IGLON5: variants seen among roughly 807,000 people sequenced by gnomAD.
The protein encoded by IGLON5 is IgLON family member 5, also known as Ig-like domain-containing protein ENSP00000270642.
In IGLON5, 16 loss-of-function variants were observed where a neutral mutation model predicts 38.2. The ratio of observed to expected loss-of-function variants is 0.42; its 90% confidence interval spans 0.28 to 0.64. The LOEUF is 0.64. Ranked by LOEUF, IGLON5 falls within the 30% of genes least tolerant of loss-of-function variation. IGLON5 has a pLI of 0.23. For missense variants in IGLON5, 366 were observed against 483.4 expected (o/e 0.76, Z 2.28); for synonymous variants, 207 against 216.4 (o/e 0.96, Z 0.38).
intron 1 of IGLON5, among the ~76,000 whole-genome samples, chr19:51,319,377 C>A (rs1985000947): frequency 6.6e-6 from 1 of 151,708 alleles, no homozygotes; most frequent in Non-Finnish European, 1.5e-5. Context: ...ACCTGATTCT[C>A]GGCCCAGCGT....
At chr19:51,323,590 C>T (rs1985132703) in intron 2 of IGLON5, 72 bp from the exon 3 acceptor site, 2 of 1,347,576 alleles carry the variant, frequency 1.5e-6, no homozygotes, top group Non-Finnish European at 2.0e-6. Context: ...CCTTCTCCCA[C>T]CCACCCCCTC....
At position 51,327,265 on chromosome 19, in the gene IGLON5, A is replaced by C; in HGVS notation, c.767+65A>C. On this transcript the variant is annotated intron_variant, in intron 6 of 7. Coordinates refer to ENST00000270642, the MANE Select transcript of IGLON5 (RefSeq NM_001101372.3). The surrounding 1 kb of genome is among the most constrained non-coding windows in gnomAD (Gnocchi z 7.1). Reference sequence around the variant, plus strand: ...GAGGTCTTTAGTCCCTTCGATTGTGAGGCAGGGGGACGGAGCGGGGCGGGG... The same window carrying C: ...GAGGTCTTTAGTCCCTTCGATTGTGCGGCAGGGGGACGGAGCGGGGCGGGG... 1 of 1,551,938 alleles carries C rather than the reference A, an allele frequency of 6.4e-7. No homozygotes were observed. The highest frequency in any genetic ancestry group is 8.7e-7 in the Non-Finnish European group (1 of 1,146,006).
intron 1 of IGLON5, among the ~76,000 whole-genome samples, chr19:51,313,648 T>TTTCTTTCTTTCTTTCC (rs1984832164): frequency 7.6e-5 from 1 of 13,192 alleles, no homozygotes; most frequent in Admixed American, 7.6e-4. Flanking sequence ...TCTCTCTCTT[T>TTTCTTTCTTTCTTTCC]TTCTTTCTTT....
Position 51,327,052 on chromosome 19 carries a change from G to C in IGLON5, c.647-28G>C. On this transcript the variant is annotated intron_variant, in intron 5 of 7. Transcript: ENST00000270642. The surrounding 1 kb of genome is among the most constrained non-coding windows in gnomAD (Gnocchi z 7.1). ...CCCCTTCGTCCCCACGCGGCTAGGA[G>C]AATTCGCTGACCCTTGCCCCTCGCC... 1 of 1,602,860 alleles carries C rather than the reference G, an allele frequency of 6.2e-7. No individual in the cohort carries two copies. Among genetic ancestry groups the C allele is most frequent in the Non-Finnish European group, 8.5e-7 (1 of 1,174,472 alleles).
chr19:51,322,434 A>G (rs1405031722), intron 2 of IGLON5, among the ~76,000 whole-genome samples: 1 of 147,628 alleles, frequency 6.8e-6, no homozygotes, highest in Non-Finnish European at 1.5e-5. Flanking sequence ...ATCCAGAGAG[A>G]AGGGGACAGA....
At chr19:51,319,308 T>C (rs958241961) in intron 1 of IGLON5, among the ~76,000 whole-genome samples, 11 of 149,082 alleles carry the variant, frequency 7.4e-5, no homozygotes, top group South Asian at 2.1e-4. Flanking sequence ...TGTGTGCGTG[T>C]GTGTGTGTGT....
In IGLON5 at chr19:51,330,420, TTGG is replaced by T. The variant is rs1320963924; in HGVS notation, c.*1667_*1669del. ...ATGAAGGGCAAAGGGTAGCAGTCAA[TTGG>T]TGGTGCCTCTCCAGCATCATTCCTA... On this transcript the variant is annotated 3_prime_UTR_variant, in exon 8 of 8. Transcript: ENST00000270642. 1 of 152,184 alleles carries T rather than the reference TTGG, an allele frequency of 6.6e-6. No homozygotes were observed. Among genetic ancestry groups the T allele is most frequent in the Non-Finnish European group, 1.5e-5 (1 of 68,032 alleles). The allele number at this position is 152,184 out of a possible 1,614,324, so 9.4% of individuals were successfully genotyped here.
intron 2 of IGLON5, 30 bp downstream of exon 2, chr19:51,322,172 T>G: frequency 2.6e-6 from 4 of 1,556,156 alleles, no homozygotes; most frequent in Non-Finnish European, 3.5e-6. Flanking sequence ...GGGACTCAGA[T>G]CTCATGGAGC....
intron 1 of IGLON5, among the ~76,000 whole-genome samples, 200 bp downstream of exon 1, chr19:51,312,126 C>T (rs1045228679): frequency 1.3e-5 from 2 of 151,888 alleles, no homozygotes; most frequent in African/African-American, 2.4e-5. Flanking sequence ...GTCCGCGCCC[C>T]GGGGCAGGGG....
Position 51,325,330 on chromosome 19 carries a change from CT to C in IGLON5, c.392-15del, listed in dbSNP as rs1171669058. Reference sequence around the variant, plus strand: ...ATTCCTGGGCATCCATATTCAGCCTCTGCCGCTGCCCGCAGTCCCTGCCCGC... The same window carrying C: ...ATTCCTGGGCATCCATATTCAGCCTCGCCGCTGCCCGCAGTCCCTGCCCGC... On this transcript the variant is annotated splice_polypyrimidine_tract_variant and intron_variant, in intron 3 of 7. Coordinates refer to ENST00000270642, the MANE Select transcript of IGLON5 (RefSeq NM_001101372.3). The surrounding 1 kb of genome is among the most constrained non-coding windows in gnomAD (Gnocchi z 5.5). 1 of 1,611,804 alleles carries C rather than the reference CT, an allele frequency of 6.2e-7. No homozygotes were observed. The highest frequency in any genetic ancestry group is 8.5e-7 in the Non-Finnish European group (1 of 1,179,024).
rs1985189870 is a variant in IGLON5, at chr19:51,325,397, G to A, written c.443G>A (p.Gly148Asp). 2 of 1,613,850 alleles carry A rather than the reference G, an allele frequency of 1.2e-6. No homozygotes were observed. Among genetic ancestry groups the A allele is most frequent in the African/African-American group, 1.3e-5 (1 of 75,008 alleles). The change falls in exon 4 of 8, where the codon GGC becomes GAC. Residue 148 changes from glycine to aspartate, a missense_variant. Gly to Asp is a moderately conservative substitution (Grantham distance 94). Coordinates refer to ENST00000270642, the MANE Select transcript of IGLON5 (RefSeq NM_001101372.3). The surrounding 1 kb of genome is among the most constrained non-coding windows in gnomAD (Gnocchi z 5.5). ...ISSPVTVNEG[G>D]NVNLLCLAVG... ...TCGCCTGTGACGGTGAATGAGGGGG[G>A]CAATGTGAACCTGCTTTGCCTGGCC...
chr19:51,314,858 C>T lies in IGLON5; in HGVS notation c.79+2932C>T, dbSNP rs553375725. On this transcript the variant is annotated intron_variant, in intron 1 of 7. Coordinates refer to ENST00000270642, the MANE Select transcript of IGLON5 (RefSeq NM_001101372.3). ...TGTGCTCCTGCCCTGCCACCACTCT[C>T]ACAACCACTGTCTTGAGAGAACCGG... 3.3e-5 allele frequency among the ~76,000 whole-genome samples: 5 copies of T among 152,362 alleles called. No individual in the cohort carries two copies. The East Asian group carries it at 9.6e-4, about 29-fold the overall frequency.
chr19:51,325,610 T>A lies in IGLON5; in HGVS notation c.511+145T>A. On this transcript the variant is annotated intron_variant, in intron 4 of 7. Transcript: ENST00000270642. The surrounding 1 kb of genome is among the most constrained non-coding windows in gnomAD (Gnocchi z 5.5). ...TCCCACTCTGCTTCCAGTTATTTCA[T>A]CCACAGACCACAAACCCCAGACCTA... 2 of 934,188 alleles carry A rather than the reference T, an allele frequency of 2.1e-6. No individual in the cohort carries two copies. Among genetic ancestry groups the A allele is most frequent in the Non-Finnish European group, 3.1e-6 (2 of 643,856 alleles). 57.9% of individuals were successfully genotyped at this position (934,188 alleles called of 1,614,324 possible). A position where few individuals can be genotyped will look rare whatever the true frequency, so the allele number is the denominator to read the frequency against.
chr19:51,313,538 T>C (rs981484130), intron 1 of IGLON5, among the ~76,000 whole-genome samples: 1 of 152,222 alleles, frequency 6.6e-6, no homozygotes, highest in African/African-American at 2.4e-5. Context: ...CCTTCTCTCA[T>C]TCATTTCCTT....
At position 51,322,361 on chromosome 19, in the gene IGLON5, CAGAGAGAGGGACAGAGACCCAGAG is replaced by C. The variant is rs1428110891; in HGVS notation, c.158+247_158+270del. ...TGGAGAGAGGGGGCAGAGACACACACAGAGAGAGGGACAGAGACCCAGAGAGAGAGAGGGACAGAGACCCAGAGA... is the reference window on the plus strand; with the variant it reads ...TGGAGAGAGGGGGCAGAGACACACACAGAGAGAGGGACAGAGACCCAGAGA... On this transcript the variant is annotated intron_variant, in intron 2 of 7. Coordinates refer to ENST00000270642, the MANE Select transcript of IGLON5 (RefSeq NM_001101372.3). Among the ~76,000 whole-genome samples the C allele has an allele frequency of 7.9e-5, 12 of 151,100 alleles. 1 individual carries two copies. In the South Asian group the frequency reaches 1.3e-3, roughly 16 times the overall value.
At chr19:51,313,872 C>T (rs1984845050) in intron 1 of IGLON5, among the ~76,000 whole-genome samples, 1 of 151,808 alleles carries the variant, frequency 6.6e-6, no homozygotes, top group African/African-American at 2.4e-5. Flanking sequence ...CAGATGCACG[C>T]CACCACACCT....
At chr19:51,313,099 C>T (rs1479689947) in intron 1 of IGLON5, among the ~76,000 whole-genome samples, 1 of 152,222 alleles carries the variant, frequency 6.6e-6, no homozygotes, top group African/African-American at 2.4e-5. Flanking sequence ...AACCCCGTCA[C>T]AGCGTCCCAC....
intron 1 of IGLON5, among the ~76,000 whole-genome samples, chr19:51,317,161 G>A (rs994527185): frequency 2.6e-5 from 4 of 152,182 alleles, no homozygotes; most frequent in African/African-American, 9.6e-5. Context: ...TTCATTCCCA[G>A]GTTTATCAAA....
At chr19:51,313,683 CTT>C (rs1984837560) in intron 1 of IGLON5, among the ~76,000 whole-genome samples, 1 of 63,776 alleles carries the variant, frequency 1.6e-5, no homozygotes, top group African/African-American at 8.2e-5. Flanking sequence ...TTCTTTCTTT[CTT>C]TCTTTCTTTC....
Sources: gnomAD v4.1 joint callset for allele counts (sites outside exome capture counted in the v4.1 genomes callset) on GRCh38, gnomAD v4.1.1 for gene constraint, Gnocchi (gnomAD v3.1) non-coding constraint, MANE v1.5 for transcripts, NCBI Gene and HGNC (gene_info 2026-07-23, HGNC 2026-07-21) for gene names.